Variants in TENM3 observed in about 807,000 individuals in gnomAD.
TENM3 encodes teneurin-3.
TENM3 carries 63 observed loss-of-function variants against 255.1 expected under a neutral mutation model. That is an observed-to-expected ratio of 0.25 (90% CI 0.20 to 0.30). The LOEUF (loss-of-function observed/expected upper bound fraction) is 0.30, where lower values mean the gene tolerates loss of function less well. TENM3 is among the 10% of genes least tolerant of loss of function. The pLI, the probability that TENM3 is intolerant of heterozygous loss-of-function variation, is 1.00. For synonymous variants in TENM3, 1,306 were observed against 1,322.3 expected, an observed-to-expected ratio of 0.99 and a Z score of 0.27; for missense variants, 2,929 against 3,461.1, an observed-to-expected ratio of 0.85 and a Z score of 3.86.
At chr4:182,322,680 G>A (rs892203169) in intron 1 of TENM3, among the ~76,000 whole-genome samples, 8 of 152,318 alleles carry the variant, frequency 5.3e-5, no homozygotes, top group South Asian at 4.1e-4. Flanking sequence ...GTGCATGCTC[G>A]AGAGAGTGGG....
At chr4:181,616,472 TTAATA>T in the TENM3 span, among the ~76,000 whole-genome samples, 1 of 148,734 alleles carries the variant, frequency 6.7e-6, no homozygotes, top group African/African-American at 2.4e-5. Context: ...ATCCATATAA[TTAATA>T]TACTATAATA....
At chr4:181,711,442 G>C in the TENM3 span, among the ~76,000 whole-genome samples, 1 of 152,170 alleles carries the variant, frequency 6.6e-6, no homozygotes, top group Non-Finnish European at 1.5e-5. Flanking sequence ...TTAGAATTGA[G>C]ATCTGCTTCA....
chr4:182,114,701 A>G, the TENM3 span, among the ~76,000 whole-genome samples: 1 of 152,158 alleles, frequency 6.6e-6, no homozygotes, highest in East Asian at 1.9e-4. Context: ...GGTGGGTACT[A>G]TTGGGCAAAA....
intron 7 of TENM3, 23 bp from the exon 8 acceptor site, chr4:182,679,643 A>G (rs1195266612): frequency 6.3e-7 from 1 of 1,588,756 alleles, no homozygotes; most frequent in Non-Finnish European, 8.6e-7. Context: ...CTTTCTGACT[A>G]TTTTTCCTCG....
chr4:182,575,670 A>T (rs913781456), intron 3 of TENM3, among the ~76,000 whole-genome samples: 1 of 152,234 alleles, frequency 6.6e-6, no homozygotes, highest in African/African-American at 2.4e-5. Flanking sequence ...TACATAAAGA[A>T]TAACATTTTT....
chr4:181,601,482 T>C, the TENM3 span, among the ~76,000 whole-genome samples: 1 of 152,172 alleles, frequency 6.6e-6, no homozygotes, highest in Non-Finnish European at 1.5e-5. Flanking sequence ...TATGTCCTCA[T>C]ATCATCAGCC....
At chr4:182,237,266 G>A (rs1185564756) in intron 1 of TENM3, among the ~76,000 whole-genome samples, 1 of 152,072 alleles carries the variant, frequency 6.6e-6, no homozygotes, top group Non-Finnish European at 1.5e-5. Context: ...GGGCATTTAG[G>A]TTGATTCCAT....
chr4:182,450,409 T>G (rs896610483), intron 3 of TENM3, among the ~76,000 whole-genome samples: 4 of 152,214 alleles, frequency 2.6e-5, no homozygotes, highest in African/African-American at 7.2e-5. Flanking sequence ...TTTTGTTTTT[T>G]TTTTCCAGCG....
intron 12 of TENM3, among the ~76,000 whole-genome samples, chr4:182,699,649 T>A (rs1757693266): frequency 6.6e-6 from 1 of 152,192 alleles, no homozygotes; most frequent in Non-Finnish European, 1.5e-5. Flanking sequence ...GCATGCCTCA[T>A]GTTAAGCCAA....
chr4:181,919,129 T>C, the TENM3 span, among the ~76,000 whole-genome samples: 1 of 152,136 alleles, frequency 6.6e-6, no homozygotes, highest in Non-Finnish European at 1.5e-5. Flanking sequence ...GTTGGGGAGT[T>C]GTGGTACCAT....
chr4:181,941,349 A>G, the TENM3 span, among the ~76,000 whole-genome samples: 2 of 146,016 alleles, frequency 1.4e-5, no homozygotes, highest in East Asian at 2.0e-4. Context: ...TATTTCATCT[A>G]TTATTACTTT....
At chr4:182,461,988 C>A (rs1732043313) in intron 3 of TENM3, among the ~76,000 whole-genome samples, 2 of 152,190 alleles carry the variant, frequency 1.3e-5, no homozygotes, top group South Asian at 4.1e-4. Flanking sequence ...TCAACTCTTA[C>A]CCTAAATTCT....
Position 182,398,073 on chromosome 4 carries a change from G to C in TENM3, c.511+51144G>C, listed in dbSNP as rs541293983. On this transcript the variant is annotated intron_variant, in intron 3 of 27. Transcript: ENST00000511685. ...GTAGCCTGGACAGCCCATCAAAATA[G>C]AAATTCAAATAAGGGGACTCCAGTT... 3.9e-5 allele frequency among the ~76,000 whole-genome samples: 6 copies of C among 152,280 alleles called. No homozygotes were observed. In the South Asian group the frequency reaches 1.2e-3, roughly 32 times the overall value.
intron 4 of TENM3, among the ~76,000 whole-genome samples, chr4:182,606,906 G>A (rs946343679): frequency 6.6e-6 from 1 of 152,162 alleles, no homozygotes; most frequent in African/African-American, 2.4e-5. Flanking sequence ...TTAAAACCTG[G>A]TGGATATAGT....
chr4:182,074,308 G>A, the TENM3 span, among the ~76,000 whole-genome samples: 1 of 152,274 alleles, frequency 6.6e-6, no homozygotes, highest in African/African-American at 2.4e-5. Flanking sequence ...CAGTGTCCCA[G>A]GCAGGGTAGT....
chr4:182,664,432 C>T (rs1754477083), intron 6 of TENM3, among the ~76,000 whole-genome samples: 1 of 152,132 alleles, frequency 6.6e-6, no homozygotes, highest in Non-Finnish European at 1.5e-5. Flanking sequence ...CTTCTTGGAC[C>T]TCCCTATTTC....
At chr4:181,698,901 A>T in the TENM3 span, among the ~76,000 whole-genome samples, 2 of 152,256 alleles carry the variant, frequency 1.3e-5, no homozygotes, top group African/African-American at 2.4e-5. Flanking sequence ...TAAGTCATAG[A>T]TACTAACATG....
chr4:181,641,426 A>T, the TENM3 span, among the ~76,000 whole-genome samples: 5 of 150,678 alleles, frequency 3.3e-5, no homozygotes, highest in Non-Finnish European at 5.9e-5. Flanking sequence ...GAGTGAGAAC[A>T]TGCGGTGTTT....
chr4:181,739,297 A>G, the TENM3 span, among the ~76,000 whole-genome samples: 4 of 152,148 alleles, frequency 2.6e-5, no homozygotes, highest in Non-Finnish European at 4.4e-5. Context: ...TGTCGAAACC[A>G]ATGTTTAAGA....
Sources: gnomAD v4.1 joint callset for allele counts (sites outside exome capture counted in the v4.1 genomes callset) on GRCh38, gnomAD v4.1.1 for gene constraint, MANE v1.5 for transcripts, NCBI Gene and HGNC (gene_info 2026-07-23, HGNC 2026-07-21) for gene names.